The following UBOX5 variants were observed in gnomAD, a reference collection of about 807,000 sequenced individuals.
The protein encoded by UBOX5 is U-box domain containing 5.
UBOX5 carries 28 observed loss-of-function variants against 39.0 expected under a neutral mutation model. The ratio of observed to expected loss-of-function variants is 0.72; its 90% CI spans 0.53 to 0.98. The LOEUF is 0.98. UBOX5 is among the 50% of genes least tolerant of loss of function. The probability of loss-of-function intolerance (pLI) is 0.00; values close to 1 mark genes in which losing one functional copy is unlikely to be tolerated. For synonymous variants in UBOX5, 283 were observed against 275.5 expected (o/e 1.03, Z -0.27); for missense variants, 585 against 674.4 (o/e 0.87, Z 1.47).
intron 3 of UBOX5, among the ~76,000 whole-genome samples, chr20:3,121,181 A>T (rs1320735366): frequency 6.6e-6 from 1 of 152,194 alleles, no homozygotes; most frequent in Non-Finnish European, 1.5e-5. Context: ...AGACGAGAAC[A>T]CATGGAACCC....
chr20:3,119,563 T>C (rs955822399), intron 3 of UBOX5, among the ~76,000 whole-genome samples: 1 of 152,174 alleles, frequency 6.6e-6, no homozygotes, highest in Non-Finnish European at 1.5e-5. Context: ...GATAAAAACA[T>C]CTATCTCAGG....
chr20:3,135,667 G>A (rs1003887510), intron 1 of UBOX5, among the ~76,000 whole-genome samples: 4 of 152,074 alleles, frequency 2.6e-5, no homozygotes, highest in Admixed American at 6.6e-5. Context: ...CACATACAAG[G>A]GTGAGCACTG....
chr20:3,127,243 T>A (rs857247), intron 1 of UBOX5, among the ~76,000 whole-genome samples: 112,434 of 151,838 alleles, frequency 0.74, 43,186 homozygotes, highest in East Asian at 0.99. Flanking sequence ...CGTGGCCATG[T>A]AAAATTGTTA....
intron 1 of UBOX5, among the ~76,000 whole-genome samples, chr20:3,144,974 A>T (rs2148616426): frequency 6.6e-6 from 1 of 152,366 alleles, no homozygotes; most frequent in African/African-American, 2.4e-5. Context: ...ACAAGTAGAA[A>T]TGTGAAAGAG....
intron 1 of UBOX5, among the ~76,000 whole-genome samples, chr20:3,130,284 G>T (rs2066419531): frequency 6.6e-6 from 1 of 150,874 alleles, no homozygotes; most frequent in Non-Finnish European, 1.5e-5. Context: ...CAAAGAGGGT[G>T]GGGGGCATAA....
chr20:3,111,534 C>G (rs2066253835), intron 4 of UBOX5: 1 of 152,814 alleles, frequency 6.5e-6, no homozygotes, highest in Non-Finnish European at 1.5e-5. Context: ...GCCTCCTCAC[C>G]TCTCTTCACA....
chr20:3,109,942 G>T lies in UBOX5; in HGVS notation c.*164C>A. The T allele has an allele frequency of 1.3e-6, 1 of 775,580 alleles. No homozygotes were observed. The highest frequency in any genetic ancestry group is 2.0e-6 in the Non-Finnish European group (1 of 488,076). 48.0% of individuals were successfully genotyped at this position (775,580 alleles called of 1,614,324 possible). On this transcript the variant is annotated 3_prime_UTR_variant, in exon 5 of 5. Transcript: ENST00000217173. Reference sequence around the variant, plus strand: ...GCTTTGTTGCCCTATTGCCACCAGCGCAGAAGCAATGTGCTATACCGTGAG... The same window carrying T: ...GCTTTGTTGCCCTATTGCCACCAGCTCAGAAGCAATGTGCTATACCGTGAG...
At chr20:3,125,730 A>G (rs1464425157) in intron 1 of UBOX5, among the ~76,000 whole-genome samples, 18 of 100,452 alleles carry the variant, frequency 1.8e-4, no homozygotes, top group East Asian at 3.5e-4. Context: ...GCCGCCCATC[A>G]TCTGGGAGGT....
At position 3,121,799 on chromosome 20, in the gene UBOX5, T is replaced by C; in HGVS notation, c.840A>G (p.Ser280=). ...EIMPCPMLLP[S]GKVIDQSTLE... is the part of the protein sequence containing the mutation. ...GTGTGCTCTGGTCGATGACCTTGCC[T>C]GAGGGCAGCAGCATGGGACAAGGCA... The change falls in exon 3 of 5, where the codon TCA becomes TCG. Residue 280 remains serine (S), a synonymous_variant. Coordinates refer to ENST00000217173, the MANE Select transcript of UBOX5 (RefSeq NM_014948.4). 1 of 1,614,126 alleles carries C rather than the reference T, an allele frequency of 6.2e-7. No individual in the cohort carries two copies. The highest frequency in any genetic ancestry group is 1.1e-5 in the South Asian group (1 of 91,078).
At chr20:3,147,629 A>C in intron 1 of UBOX5, 1 of 1,614,182 alleles carries the variant, frequency 6.2e-7, no homozygotes, top group Non-Finnish European at 8.5e-7. Context: ...GTACTCCAAA[A>C]ATGCCAGGCC....
chr20:3,155,068 A>AG (rs1379649240), intron 1 of UBOX5, among the ~76,000 whole-genome samples: 2 of 132,070 alleles, frequency 1.5e-5, no homozygotes, highest in Non-Finnish European at 3.2e-5. Flanking sequence ...AAAAAAAAAA[A>AG]AAAAGAAAAG....
intron 1 of UBOX5, among the ~76,000 whole-genome samples, chr20:3,154,016 A>G (rs929022405): frequency 3.3e-5 from 5 of 152,224 alleles, no homozygotes; most frequent in African/African-American, 1.2e-4. Flanking sequence ...GAAGACCTCA[A>G]AGGCTGAAAT....
chr20:3,135,188 A>G (rs1015831722), intron 1 of UBOX5, among the ~76,000 whole-genome samples: 1 of 152,228 alleles, frequency 6.6e-6, no homozygotes, highest in Admixed American at 6.5e-5. Context: ...TGACCAAAAC[A>G]TTGGTCAACT....
chr20:3,128,405 G>A (rs1243445361), intron 1 of UBOX5, among the ~76,000 whole-genome samples: 2 of 152,240 alleles, frequency 1.3e-5, no homozygotes, highest in South Asian at 4.1e-4. Context: ...AAGGAAAGCA[G>A]ACAATATGCT....
chr20:3,129,289 G>C (rs189181648), intron 1 of UBOX5, among the ~76,000 whole-genome samples: 1 of 152,228 alleles, frequency 6.6e-6, no homozygotes, highest in Admixed American at 6.5e-5. Context: ...GGCACTCCTC[G>C]TGGCTGCTGC....
intron 1 of UBOX5, chr20:3,148,921 G>A: frequency 6.2e-7 from 1 of 1,614,184 alleles, no homozygotes; most frequent in Non-Finnish European, 8.5e-7. Flanking sequence ...TGGCAGAATG[G>A]CAGAGGCTAA....
chr20:3,115,381 T>G lies in UBOX5; in HGVS notation c.1341A>C (p.Ala447=). 6.2e-7 allele frequency: 1 copy of G among 1,614,170 alleles called. No individual in the cohort carries two copies. The highest frequency in any genetic ancestry group is 8.5e-7 in the Non-Finnish European group (1 of 1,180,026). Residue 447 remains alanine (A), a synonymous_variant, in exon 4 of 5, where the codon GCA becomes GCC. Coordinates refer to ENST00000217173, the MANE Select transcript of UBOX5 (RefSeq NM_014948.4). ...STLGSMPSFT[A]RLTRGQLQHL... is the part of the protein sequence containing the mutation. ...GCTGGAGCTGTCCCCTGGTCAGCCGTGCCGTGAAGGAGGGCATAGAGCCAA... is the reference window on the plus strand; with the variant it reads ...GCTGGAGCTGTCCCCTGGTCAGCCGGGCCGTGAAGGAGGGCATAGAGCCAA...
chr20:3,134,047 T>C (rs2066450715), intron 1 of UBOX5, among the ~76,000 whole-genome samples: 1 of 152,030 alleles, frequency 6.6e-6, no homozygotes, highest in Non-Finnish European at 1.5e-5. Context: ...GTGAGCCACC[T>C]TGCCCGGCTA....
chr20:3,122,835 G>A (rs1471241766), intron 2 of UBOX5, among the ~76,000 whole-genome samples: 1 of 152,036 alleles, frequency 6.6e-6, no homozygotes, highest in Non-Finnish European at 1.5e-5. Context: ...TGTAGTCCCA[G>A]CTACTCAGGA....
Sources: gnomAD v4.1 joint callset for allele counts (sites outside exome capture counted in the v4.1 genomes callset) on GRCh38, gnomAD v4.1.1 for gene constraint, MANE v1.5 for transcripts, NCBI Gene and HGNC (gene_info 2026-07-23, HGNC 2026-07-21) for gene names.